FAM149B1: variants seen among roughly 807,000 people sequenced by gnomAD.
FAM149B1 encodes family with sequence similarity 149 member B1.
Under a neutral mutation model 75.3 loss-of-function variants are expected in FAM149B1, and 56 were observed. The ratio of observed to expected loss-of-function variants is 0.74; its 90% CI spans 0.60 to 0.93. The LOEUF (loss-of-function observed/expected upper bound fraction) is 0.93. Ranked by LOEUF, FAM149B1 falls within the 40% of genes least tolerant of loss-of-function variation. FAM149B1 has a pLI of 0.00. For missense variants in FAM149B1, 639 were observed against 708.4 expected, an observed-to-expected ratio of 0.90 and a Z score of 1.11; for synonymous variants, 259 against 256.1, an observed-to-expected ratio of 1.01 and a Z score of -0.11.
intron 5 of FAM149B1, among the ~76,000 whole-genome samples, chr10:73,208,156 T>A (rs1051568579): frequency 3.3e-5 from 5 of 152,232 alleles, no homozygotes; most frequent in Admixed American, 3.3e-4. Flanking sequence ...TCCCATGACA[T>A]CTGGTCATTT....
intron 7 of FAM149B1, among the ~76,000 whole-genome samples, chr10:73,221,216 T>G (rs575914619): frequency 6.6e-5 from 10 of 152,328 alleles, no homozygotes; most frequent in Admixed American, 4.6e-4. Context: ...GTGACTATAT[T>G]AGAAACCACT....
intron 5 of FAM149B1, among the ~76,000 whole-genome samples, chr10:73,207,119 C>T (rs888761429): frequency 1.3e-5 from 2 of 152,202 alleles, no homozygotes; most frequent in African/African-American, 2.4e-5. Context: ...CACAGAGAAT[C>T]TCTATTGGGC....
intron 5 of FAM149B1, among the ~76,000 whole-genome samples, chr10:73,206,910 G>A (rs958592980): frequency 6.7e-6 from 1 of 149,170 alleles, no homozygotes; most frequent in Non-Finnish European, 1.5e-5. Context: ...GCAAGACTCT[G>A]TCTCAAAAAA....
chr10:73,176,951 C>T (rs1364879346), intron 2 of FAM149B1, among the ~76,000 whole-genome samples: 3 of 151,906 alleles, frequency 2.0e-5, no homozygotes, highest in Admixed American at 6.6e-5. Context: ...CACTTGAACC[C>T]GAGAGGAGGA....
intron 5 of FAM149B1, among the ~76,000 whole-genome samples, chr10:73,206,975 C>T (rs2043077659): frequency 6.6e-6 from 1 of 152,168 alleles, no homozygotes; most frequent in Admixed American, 6.5e-5. Flanking sequence ...GCCTTGGCAG[C>T]TTCCATGTGG....
intron 3 of FAM149B1, among the ~76,000 whole-genome samples, chr10:73,190,683 A>G (rs992918600): frequency 6.6e-6 from 1 of 151,856 alleles, no homozygotes; most frequent in African/African-American, 2.4e-5. Flanking sequence ...TCTGAAGAAA[A>G]TGATCAGATT....
At chr10:73,181,207 C>T (rs1003653924) in intron 3 of FAM149B1, among the ~76,000 whole-genome samples, 8 of 152,012 alleles carry the variant, frequency 5.3e-5, no homozygotes, top group African/African-American at 1.7e-4. Flanking sequence ...GACAGGGTTT[C>T]ACCACGTTAT....
chr10:73,204,784 T>TC (rs2043014549), intron 5 of FAM149B1, among the ~76,000 whole-genome samples: 3 of 135,534 alleles, frequency 2.2e-5, no homozygotes, highest in Non-Finnish European at 3.2e-5. Flanking sequence ...TTTTTTTTTT[T>TC]TTTTTTTTTT....
chr10:73,239,208 G>A, intron 12 of FAM149B1, 104 bp from the exon 13 acceptor site: 1 of 930,264 alleles, frequency 1.1e-6, no homozygotes, highest in Non-Finnish European at 1.7e-6. Flanking sequence ...GGTAGTCTAT[G>A]CCTTTTACCA....
intron 7 of FAM149B1, among the ~76,000 whole-genome samples, chr10:73,223,065 A>G (rs2043454429): frequency 6.6e-6 from 1 of 152,126 alleles, no homozygotes; most frequent in African/African-American, 2.4e-5. Context: ...GACTGCAGTG[A>G]GCTATGACTG....
chr10:73,229,755 G>C (rs2043641622), intron 8 of FAM149B1, among the ~76,000 whole-genome samples: 1 of 152,212 alleles, frequency 6.6e-6, no homozygotes, highest in Non-Finnish European at 1.5e-5. Flanking sequence ...TAAGAAAGGA[G>C]AAGAGTTAAT....
intron 5 of FAM149B1, chr10:73,200,901 A>G (rs1005807720): frequency 8.3e-6 from 4 of 481,810 alleles, no homozygotes; most frequent in African/African-American, 6.0e-5. Flanking sequence ...GGGACGTCAC[A>G]GTTTTTGCTC....
rs2043742142 is a variant in FAM149B1 at position 73,232,978 on chromosome 10, T to C, written c.1167T>C (p.Ser389=). The change falls in exon 10 of 14, where the codon AGT becomes AGC. Residue 389 remains serine (S), a synonymous_variant. Transcript: ENST00000242505. ...DDKLLMRPGS[S]TILSTRNWPN... is the part of the protein sequence containing the mutation. ...AGCTACTTATGAGGCCTGGGTCCAG[T>C]ACCATCCTTTCAACTCGAAATTGGC... 2 of 1,551,864 alleles carry C rather than the reference T, an allele frequency of 1.3e-6. No individual in the cohort carries two copies. Among genetic ancestry groups the C allele is most frequent in the African/African-American group, 2.7e-5 (2 of 73,042 alleles).
intron 7 of FAM149B1, among the ~76,000 whole-genome samples, chr10:73,217,187 T>C (rs767176185): frequency 3.3e-5 from 5 of 152,232 alleles, no homozygotes; most frequent in Non-Finnish European, 7.3e-5. Flanking sequence ...TCACAATTTG[T>C]TTATCTGTTG....
At position 73,243,955 on chromosome 10, in the gene FAM149B1, C is replaced by G; in HGVS notation, c.*2936C>G. 6.3e-7 allele frequency: 1 copy of G among 1,585,134 alleles called. No homozygotes were observed. Among genetic ancestry groups the G allele is most frequent in the Non-Finnish European group, 8.6e-7 (1 of 1,160,898 alleles). ...CTGAAACAGGAACTCACATGAGACT[C>G]AGGGCCACCAGGAAATGCTTAAAAT... On this transcript the variant is annotated 3_prime_UTR_variant, in exon 14 of 14. Transcript: ENST00000242505.
chr10:73,206,889 T>G (rs1413964059), intron 5 of FAM149B1, among the ~76,000 whole-genome samples: 2 of 151,974 alleles, frequency 1.3e-5, no homozygotes, highest in Admixed American at 6.6e-5. Flanking sequence ...CAGTCCAGCT[T>G]GGGTGATACA....
chr10:73,196,284 A>G (rs1011400705), intron 5 of FAM149B1, among the ~76,000 whole-genome samples: 1 of 151,708 alleles, frequency 6.6e-6, no homozygotes, highest in African/African-American at 2.4e-5. Context: ...TTGGGTGGTG[A>G]GGGTATGTAA....
At chr10:73,174,817 A>T in intron 2 of FAM149B1, 26 bp downstream of exon 2, 1 of 1,419,842 alleles carries the variant, frequency 7.0e-7, no homozygotes, top group Non-Finnish European at 9.7e-7. Flanking sequence ...GTACTTGTTT[A>T]CTTATTGCAC....
chr10:73,242,896 C>G lies in FAM149B1; in HGVS notation c.*1877C>G, dbSNP rs1253904587. The G allele has an allele frequency of 6.5e-6, 1 of 153,678 alleles. No individual in the cohort carries two copies. The highest frequency in any genetic ancestry group is 2.4e-5 in the African/African-American group (1 of 41,416). The allele number at this position is 153,678 out of a possible 1,614,324, so 9.5% of individuals were successfully genotyped here. ...CAAAAATGCTTGAAGTAATTTAACA[C>G]CTGTACATCAGTACAAAACCTGGCT... is the stretch of plus-strand genomic sequence containing the variant. On this transcript the variant is annotated 3_prime_UTR_variant, in exon 14 of 14. Transcript: ENST00000242505.
Sources: gnomAD v4.1 joint callset for allele counts (sites outside exome capture counted in the v4.1 genomes callset) on GRCh38, gnomAD v4.1.1 for gene constraint, MANE v1.5 for transcripts, NCBI Gene and HGNC (gene_info 2026-07-23, HGNC 2026-07-21) for gene names.